ALOX12: variants seen among roughly 807,000 people sequenced by gnomAD.
ALOX12 encodes the protein arachidonate 12-lipoxygenase, 12S type, also known as polyunsaturated fatty acid lipoxygenase ALOX12.
ALOX12 carries 62 observed loss-of-function variants against 85.5 expected under a neutral mutation model. The ratio of observed to expected loss-of-function variants is 0.73; its 90% CI spans 0.59 to 0.90. ALOX12 has a LOEUF of 0.90. Among genes scored for constraint, ALOX12 ranks in the 40% least tolerant of loss-of-function variants. ALOX12 has a pLI of 0.00. For missense variants in ALOX12, 751 were observed against 856.5 expected, an observed-to-expected ratio of 0.88 and a Z score of 1.54; for synonymous variants, 299 against 332.7, an observed-to-expected ratio of 0.90 and a Z score of 1.10.
Position 6,998,589 on chromosome 17 carries a change from T to C in ALOX12, c.418T>C (p.Cys140Arg), listed in dbSNP as rs374714397. Residue 140 changes from cysteine (C) to arginine (R), a missense_variant and splice_region_variant, in exon 3 of 14, where the codon TGC (cysteine) becomes CGC (arginine). Transcript: ENST00000251535. Reference sequence around the variant, plus strand: ...ACTGAAAGACAGACAGCAGATCTACTGGTGACCACCCACCCCTTAAACTAA... The same window carrying C: ...ACTGAAAGACAGACAGCAGATCTACCGGTGACCACCCACCCCTTAAACTAA... ...KELKDRQQIY[C>R]WATWKEGLPL... is the part of the protein sequence containing the mutation. 4 of 1,613,430 alleles carry C rather than the reference T, an allele frequency of 2.5e-6. No homozygotes were observed. The highest frequency in any genetic ancestry group is 8.5e-7 in the Non-Finnish European group (1 of 1,179,428).
Position 7,000,389 on chromosome 17 carries a change from C to T in ALOX12, c.861C>T (p.Asn287=), listed in dbSNP as rs373738010. 72 of 1,614,040 alleles carry T rather than the reference C, an allele frequency of 4.5e-5. No homozygotes were observed. Among genetic ancestry groups the T allele is most frequent in the Middle Eastern group, 1.6e-4 (1 of 6,084 alleles). ...TCCTTCTGGATGGAATTCCAGCCAA[C>T]GTGATCCGAGGAGAGAAGCAATACC... ...DFILLDGIPA[N]VIRGEKQYLA... The change falls in exon 7 of 14, where the codon AAC becomes AAT. Residue 287 remains asparagine (N), a synonymous_variant. Coordinates refer to ENST00000251535, the MANE Select transcript of ALOX12 (RefSeq NM_000697.3). The surrounding 1 kb of genome is among the most constrained non-coding windows in gnomAD (Gnocchi z 4.6).
chr17:7,003,803 C>T (rs940092157), intron 8 of ALOX12, among the ~76,000 whole-genome samples: 6 of 152,040 alleles, frequency 3.9e-5, no homozygotes, highest in African/African-American at 2.4e-5. Context: ...TTGGCCTTTC[C>T]GTGACATTTG....
intron 10 of ALOX12, among the ~76,000 whole-genome samples, chr17:7,006,239 GGA>G (rs1306642921): frequency 6.6e-6 from 1 of 151,456 alleles, no homozygotes; most frequent in African/African-American, 2.4e-5. Flanking sequence ...AGCTGTGGGG[GGA>G]GACTGGGGGA....
rs1418370806 is a variant in ALOX12 at position 7,010,543 on chromosome 17, AC to A, written c.*125del. ...AGGCTCTATTTCCTCCCCCAGTTAA[AC>A]CCCCTACATTAGTATCCCACTAGCC... is the stretch of plus-strand genomic sequence containing the variant. On this transcript the variant is annotated 3_prime_UTR_variant, in exon 14 of 14. Transcript: ENST00000251535. 4.0e-6 allele frequency: 5 copies of A among 1,245,078 alleles called. No homozygotes were observed. The highest frequency in any genetic ancestry group is 3.0e-5 in the African/African-American group (2 of 65,782). The allele number at this position is 1,245,078 out of a possible 1,614,324, so 77.1% of individuals were successfully genotyped here.
chr17:7,004,838 CA>C (rs1223861718), intron 8 of ALOX12, among the ~76,000 whole-genome samples: 26 of 152,102 alleles, frequency 1.7e-4, no homozygotes, highest in Non-Finnish European at 2.8e-4. Flanking sequence ...AGGGCTGATT[CA>C]TAAGGCACCT....
Position 7,010,628 on chromosome 17 carries a change from G to T in ALOX12, c.*205G>T. On this transcript the variant is annotated 3_prime_UTR_variant, in exon 14 of 14. Transcript: ENST00000251535. ...GATCCTTTTTTACGCTTTGCAGACCGCATAGTCACTGTCTCAACTACTCAG... is the reference window on the plus strand; with the variant it reads ...GATCCTTTTTTACGCTTTGCAGACCTCATAGTCACTGTCTCAACTACTCAG... 1 of 568,602 alleles carries T rather than the reference G, an allele frequency of 1.8e-6. No individual in the cohort carries two copies. The highest frequency in any genetic ancestry group is 2.9e-6 in the Non-Finnish European group (1 of 341,080). 35.2% of individuals were successfully genotyped at this position (568,602 alleles called of 1,614,324 possible).
At position 7,000,519 on chromosome 17, in the gene ALOX12, T is replaced by C. The variant is rs777837310; in HGVS notation, c.951+40T>C. On this transcript the variant is annotated intron_variant, in intron 7 of 13. Coordinates refer to ENST00000251535, the MANE Select transcript of ALOX12 (RefSeq NM_000697.3). This position sits in a 1 kb window ranked among gnomAD's most constrained non-coding sequence, Gnocchi z 4.6. The stretch of plus-strand genomic sequence containing the variant: ...CCTCTCCCACAACGTTGCACTCTGT[T>C]CACCTCAACCTCTGCTCCCAGGGAC... 2 of 1,607,630 alleles carry C rather than the reference T, an allele frequency of 1.2e-6. No individual in the cohort carries two copies. The highest frequency in any genetic ancestry group is 3.3e-5 in the Admixed American group (2 of 59,776).
intron 9 of ALOX12, 92 bp from the exon 10 acceptor site, chr17:7,005,766 T>G: frequency 7.0e-7 from 1 of 1,420,530 alleles, no homozygotes; most frequent in Non-Finnish European, 9.6e-7. Context: ...TGTCTTAATA[T>G]CTGAAAATCC....
chr17:7,001,499 T>C, intron 7 of ALOX12, 103 bp from the exon 8 acceptor site: 1 of 1,215,018 alleles, frequency 8.2e-7, no homozygotes, highest in South Asian at 1.4e-5. Context: ...GACTATAACC[T>C]CCTAGAAGGC....
chr17:7,004,615 A>G (rs897439045), intron 8 of ALOX12, among the ~76,000 whole-genome samples: 4 of 152,064 alleles, frequency 2.6e-5, no homozygotes, highest in Admixed American at 1.3e-4. Flanking sequence ...GAGGGGCCCA[A>G]CAGTGCTTAA....
rs1467020346 is a variant in ALOX12 at position 6,996,948 on chromosome 17, T to G, written c.258T>G (p.Pro86=). 3.8e-6 allele frequency: 6 copies of G among 1,599,664 alleles called. No homozygotes were observed. Among genetic ancestry groups the G allele is most frequent in the Non-Finnish European group, 4.3e-6 (5 of 1,173,188 alleles). ...GCGACCGCATCACGGTGCAGGGCCC[T>G]GGAGCCTGCGCGGAGGTGGCCTTCC... ...WFCDRITVQG[P]GACAEVAFPC... is the part of the protein sequence containing the mutation. The change falls in exon 2 of 14, where the codon CCT becomes CCG. Residue 86 remains proline, a synonymous_variant. Transcript: ENST00000251535.
rs1909024247 is a variant in ALOX12, at chr17:7,005,919, C to T, written c.1310C>T (p.Thr437Ile). The change falls in exon 10 of 14, where the codon ACC becomes ATC. Residue 437 changes from threonine to isoleucine, a missense_variant. Physicochemically the swap from Thr to Ile is moderately conservative, Grantham distance 89. Transcript: ENST00000251535. ...CTCCGTCGGGCGGCAGCTCAGCTGA[C>T]CTACTGCTCCCTCTGTCCTCCTGAC... ...QLLRRAAAQLTYCSLCPPDDL... is the reference protein window; with the variant it reads ...QLLRRAAAQLIYCSLCPPDDL... 1 of 1,613,574 alleles carries T rather than the reference C, an allele frequency of 6.2e-7. No individual in the cohort carries two copies.
intron 8 of ALOX12, 83 bp from the exon 9 acceptor site, chr17:7,005,174 C>A: frequency 1.7e-6 from 2 of 1,186,658 alleles, no homozygotes; most frequent in Non-Finnish European, 2.5e-6. Flanking sequence ...GAGGAGAAGG[C>A]GCCATGCTGG....
chr17:7,002,706 G>C, intron 8 of ALOX12: 1 of 302,674 alleles, frequency 3.3e-6, no homozygotes, highest in Non-Finnish European at 6.5e-6. Context: ...GGCAAAATAA[G>C]ACCTGTGCTT....
chr17:6,998,933 A>T lies in ALOX12; in HGVS notation c.543-20A>T. 6.2e-7 allele frequency: 1 copy of T among 1,614,150 alleles called. No homozygotes were observed. On this transcript the variant is annotated intron_variant, in intron 4 of 13. Transcript: ENST00000251535. ...GACTGAGGGATCAGCTGATGAGTTAAGCCTCAATACCTGTCCTAGGGCTCT... is the reference window on the plus strand; with the variant it reads ...GACTGAGGGATCAGCTGATGAGTTATGCCTCAATACCTGTCCTAGGGCTCT...
Position 7,000,091 on chromosome 17 carries a change from T to C in ALOX12, c.808-245T>C, listed in dbSNP as rs771528558. 6.6e-6 allele frequency among the ~76,000 whole-genome samples: 1 copy of C among 152,162 alleles called. No homozygotes were observed. The highest frequency in any genetic ancestry group is 1.5e-5 in the Non-Finnish European group (1 of 68,022). Reference sequence around the variant, plus strand: ...ACAATGCCTGTGATGCCAACTGGATTGAGCAGGCCTGGTTCCAAACCCAGA... The same window carrying C: ...ACAATGCCTGTGATGCCAACTGGATCGAGCAGGCCTGGTTCCAAACCCAGA... On this transcript the variant is annotated intron_variant, in intron 6 of 13. Transcript: ENST00000251535. The surrounding 1 kb of genome is among the most constrained non-coding windows in gnomAD (Gnocchi z 4.6).
At chr17:7,006,060 C>CGGGGGG (rs1555568712) in intron 10 of ALOX12, 33 bp downstream of exon 10, 2 of 91,234 alleles carry the variant, frequency 2.2e-5, no homozygotes, top group African/African-American at 1.6e-4. Flanking sequence ...ATGGTGGGGC[C>CGGGGGG]GGGGGGGGGG....
Position 6,996,050 on chromosome 17 carries a change from G to A in ALOX12, c.-68G>A, listed in dbSNP as rs113648136. ...GGTTGGAAGTGGCCCCGAGGCGCCG[G>A]CAGCCCTGGGCGGTCCCGGGAATCG... On this transcript the variant is annotated 5_prime_UTR_variant, in exon 1 of 14. Transcript: ENST00000251535. 1 of 1,233,252 alleles carries A rather than the reference G, an allele frequency of 8.1e-7. No homozygotes were observed. The highest frequency in any genetic ancestry group is 4.1e-5 in the South Asian group (1 of 24,264). 76.4% of individuals were successfully genotyped at this position (1,233,252 alleles called of 1,614,324 possible).
chr17:7,009,610 A>AACGCATGTCTGATGCAAAT, intron 11 of ALOX12, 137 bp from the exon 12 acceptor site: 1 of 772,908 alleles, frequency 1.3e-6, no homozygotes, highest in East Asian at 2.6e-5. Flanking sequence ...CCAGGACTTA[A>AACGCATGTCTGATGCAAAT]ACGCATGTCT....
Sources: allele counts gnomAD v4.1 joint callset (sites outside exome capture counted in the v4.1 genomes callset), GRCh38; gene constraint gnomAD v4.1.1; non-coding constraint Gnocchi (gnomAD v3.1); transcripts MANE v1.5; gene names NCBI Gene and HGNC (gene_info 2026-07-23, HGNC 2026-07-21).